The following ARFGEF2 variants were observed in gnomAD, a reference collection of about 807,000 sequenced individuals.
ARFGEF2 encodes the protein ARF guanine nucleotide exchange factor 2.
In ARFGEF2, 74 loss-of-function variants were observed where a neutral mutation model predicts 219.9. The ratio of observed to expected loss-of-function variants is 0.34; its 90% CI spans 0.28 to 0.41. ARFGEF2 has a LOEUF of 0.41. ARFGEF2 is among the 10% of genes least tolerant of loss of function. The pLI is 1.00. For synonymous variants in ARFGEF2, 733 were observed against 799.2 expected (o/e 0.92, Z 1.40); for missense variants, 1,743 against 2,218.3 (o/e 0.79, Z 4.30).
chr20:49,022,008 C>T lies in ARFGEF2; in HGVS notation c.4625-1043C>T, dbSNP rs375326076. Among the ~76,000 whole-genome samples the T allele has an allele frequency of 1.4e-4, 21 of 151,454 alleles. No homozygotes were observed. In the East Asian group the frequency reaches 3.9e-3, roughly 28 times the overall value. On this transcript the variant is annotated intron_variant, in intron 34 of 38. Coordinates refer to ENST00000371917, the MANE Select transcript of ARFGEF2 (RefSeq NM_006420.3). ...CCTAAAATTACAAAAAACTAGCTGACACAGTGGCGCACACCTGTAATCCCA... is the reference window on the plus strand; with the variant it reads ...CCTAAAATTACAAAAAACTAGCTGATACAGTGGCGCACACCTGTAATCCCA...
In ARFGEF2 at chr20:48,963,914, A is replaced by C. The variant is rs750247802; in HGVS notation, c.907+16A>C. 19 of 1,612,816 alleles carry C rather than the reference A, an allele frequency of 1.2e-5. No homozygotes were observed. The highest frequency in any genetic ancestry group is 1.6e-5 in the Non-Finnish European group (19 of 1,179,360). On this transcript the variant is annotated intron_variant, in intron 7 of 38. Transcript: ENST00000371917. ...GCCATTAAAGGTAAGAACCAAGGAC[A>C]ACCCAGCCTTTCCTCTTCCCTCATT...
At chr20:48,946,727 G>A (rs1600598770) in intron 3 of ARFGEF2, among the ~76,000 whole-genome samples, 2 of 152,030 alleles carry the variant, frequency 1.3e-5, no homozygotes, top group East Asian at 3.9e-4. Flanking sequence ...GGCTGGTCCT[G>A]AACTCCTGAG....
At position 49,025,338 on chromosome 20, in the gene ARFGEF2, A is replaced by T; in HGVS notation, c.4781A>T (p.His1594Leu). 1 of 1,613,174 alleles carries T rather than the reference A, an allele frequency of 6.2e-7. No homozygotes were observed. The highest frequency in any genetic ancestry group is 8.5e-7 in the Non-Finnish European group (1 of 1,179,544). The change falls in exon 36 of 39, where the codon CAC (histidine) becomes CTC (leucine). Residue 1594 changes from histidine to leucine, a missense_variant. By Grantham distance (99) the His-to-Leu change is moderately conservative (BLOSUM62 -3). This residue lies in a region of ARFGEF2 where 578 missense variants were observed against 664.0 expected (regional missense o/e 0.87). Transcript: ENST00000371917. Reference sequence around the variant, plus strand: ...CAAGACACGCTGGATGCAGATATCCACATAGAGACGGAGGATCAGGGCATG... The same window carrying T: ...CAAGACACGCTGGATGCAGATATCCTCATAGAGACGGAGGATCAGGGCATG... The part of the protein sequence containing the change: ...AQQDTLDADI[H>L]IETEDQGMYK...
intron 14 of ARFGEF2, among the ~76,000 whole-genome samples, chr20:48,979,238 G>C (rs1301260174): frequency 6.6e-6 from 1 of 152,106 alleles, no homozygotes; most frequent in Non-Finnish European, 1.5e-5. Context: ...ATAATCATGT[G>C]GTCTTTGTCA....
At chr20:48,962,742 C>A (rs577702412) in intron 6 of ARFGEF2, among the ~76,000 whole-genome samples, 5 of 152,196 alleles carry the variant, frequency 3.3e-5, no homozygotes, top group Admixed American at 6.5e-5. Flanking sequence ...GTGTTAAGTG[C>A]CCAGTGGAAA....
intron 25 of ARFGEF2, among the ~76,000 whole-genome samples, chr20:49,001,054 CTTTTTTTTTTTTTTTT>C (rs66754799): frequency 1.7e-5 from 1 of 60,562 alleles, no homozygotes; most frequent in Non-Finnish European, 3.3e-5. Flanking sequence ...CTCAGGAACT[CTTTTTTTTTTTTTTTT>C]TTTTTTTTTG....
At position 49,011,954 on chromosome 20, in the gene ARFGEF2, C is replaced by A; in HGVS notation, c.3788C>A (p.Ala1263Asp). 6.2e-7 allele frequency: 1 copy of A among 1,614,212 alleles called. No individual in the cohort carries two copies. The highest frequency in any genetic ancestry group is 8.5e-7 in the Non-Finnish European group (1 of 1,180,040). The change falls in exon 28 of 39, where the codon GCC becomes GAC. Residue 1263 changes from alanine to aspartate, a missense_variant. Ala to Asp is a moderately radical substitution (Grantham distance 126). This residue lies in a region of ARFGEF2 where 578 missense variants were observed against 664.0 expected (regional missense o/e 0.87). Transcript: ENST00000371917. ...ATTTTCCAGCACCATTTTCCTGCAG[C>A]CATCGATTCCTTTCAGGATGCTGTG... ...TTIFQHHFPA[A>D]IDSFQDAVKC...
At chr20:48,939,742 G>T (rs776829711) in intron 1 of ARFGEF2, among the ~76,000 whole-genome samples, 12 of 152,218 alleles carry the variant, frequency 7.9e-5, no homozygotes, top group Non-Finnish European at 1.2e-4. Context: ...GATATACAAA[G>T]TCGGGCTTGA....
chr20:49,021,386 G>A (rs1344752679), intron 34 of ARFGEF2, among the ~76,000 whole-genome samples: 1 of 152,026 alleles, frequency 6.6e-6, no homozygotes, highest in Admixed American at 6.5e-5. Context: ...AAAATAAGTT[G>A]GGAAAGGAAT....
chr20:49,007,271 A>G (rs2091466883), intron 26 of ARFGEF2, among the ~76,000 whole-genome samples: 1 of 148,326 alleles, frequency 6.7e-6, no homozygotes, highest in Non-Finnish European at 1.5e-5. Context: ...TAAAAAGTGT[A>G]CTTCAGATCA....
At chr20:48,934,704 A>ATAG in intron 1 of ARFGEF2, among the ~76,000 whole-genome samples, 1 of 152,362 alleles carries the variant, frequency 6.6e-6, no homozygotes, top group South Asian at 2.1e-4. Context: ...TTATGGTTGC[A>ATAG]TAGTAGTCCA....
intron 1 of ARFGEF2, among the ~76,000 whole-genome samples, chr20:48,931,373 G>A (rs1455582071): frequency 6.6e-6 from 1 of 152,150 alleles, no homozygotes; most frequent in Non-Finnish European, 1.5e-5. Flanking sequence ...ACTCTGTGCT[G>A]AAGAATTCTC....
At chr20:49,009,197 C>G (rs2091481488) in intron 26 of ARFGEF2, among the ~76,000 whole-genome samples, 1 of 152,144 alleles carries the variant, frequency 6.6e-6, no homozygotes, top group Non-Finnish European at 1.5e-5. Context: ...GTTGTGTAGT[C>G]AGTCCTTTGT....
At chr20:48,949,089 T>G (rs2091049095) in intron 3 of ARFGEF2, among the ~76,000 whole-genome samples, 1 of 152,136 alleles carries the variant, frequency 6.6e-6, no homozygotes, top group Non-Finnish European at 1.5e-5. Flanking sequence ...ATACAGGAAC[T>G]CTCCTTTCTC....
rs763952872 is a variant in ARFGEF2, at chr20:48,994,500, G to C, written c.3023G>C (p.Gly1008Ala). 6.2e-7 allele frequency: 1 copy of C among 1,614,094 alleles called. No individual in the cohort carries two copies. Among genetic ancestry groups the C allele is most frequent in the South Asian group, 1.1e-5 (1 of 91,078 alleles). ...QLELAQLIGT[G>A]VKTRYLSGSG... ...GAGCTCGCTCAGCTGATAGGAACCGGTGTGAAGACGCGCTACCTGTCTGGA... is the reference window on the plus strand; with the variant it reads ...GAGCTCGCTCAGCTGATAGGAACCGCTGTGAAGACGCGCTACCTGTCTGGA... Residue 1008 changes from glycine (G) to alanine (A), a missense_variant, in exon 22 of 39, where the codon GGT becomes GCT. By Grantham distance (60) the Gly-to-Ala change is moderately conservative. This residue lies in a region of ARFGEF2 where 666 missense variants were observed against 955.4 expected (regional missense o/e 0.70). Transcript: ENST00000371917.
intron 1 of ARFGEF2, among the ~76,000 whole-genome samples, chr20:48,924,143 A>G (rs888476756): frequency 2.0e-5 from 3 of 152,238 alleles, no homozygotes; most frequent in Non-Finnish European, 4.4e-5. Flanking sequence ...AGTAGAACAC[A>G]TAGCAGAATG....
intron 31 of ARFGEF2, among the ~76,000 whole-genome samples, chr20:49,016,960 G>A (rs1006668030): frequency 1.3e-5 from 2 of 152,058 alleles, no homozygotes; most frequent in Admixed American, 6.6e-5. Flanking sequence ...TTGAAAACCT[G>A]GTCTAATGTT....
intron 3 of ARFGEF2, among the ~76,000 whole-genome samples, chr20:48,950,812 ATATAT>A (rs1428339972): frequency 0.033 from 1,450 of 43,890 alleles, 45 homozygotes; most frequent in African/African-American, 0.038. Flanking sequence ...AAAAAAAAAA[ATATAT>A]ATATATATAT....
At chr20:48,994,275 G>T (rs1433524660) in intron 21 of ARFGEF2, among the ~76,000 whole-genome samples, 176 bp from the exon 22 acceptor site, 2 of 152,174 alleles carry the variant, frequency 1.3e-5, no homozygotes, top group Admixed American at 1.3e-4. Flanking sequence ...GGAGGAATCC[G>T]CCGCCCCAGT....
Sources: gnomAD v4.1 joint callset for allele counts (sites outside exome capture counted in the v4.1 genomes callset) on GRCh38, gnomAD v4.1.1 for gene constraint, gnomAD v4.1.1 regional missense constraint, MANE v1.5 for transcripts, NCBI Gene and HGNC (gene_info 2026-07-23, HGNC 2026-07-21) for gene names.